SUSD6: variants seen among roughly 807,000 people sequenced by gnomAD.
The protein encoded by SUSD6 is sushi domain-containing protein 6.
A neutral mutation model predicts 28.4 loss-of-function variants in SUSD6; 16 were observed. That is an observed-to-expected ratio of 0.56 (90% CI 0.38 to 0.86). The LOEUF (loss-of-function observed/expected upper bound fraction) is 0.86, where lower values mean the gene tolerates loss of function less well. Among genes scored for constraint, SUSD6 ranks in the 40% least tolerant of loss-of-function variants. The probability of loss-of-function intolerance (pLI) is 0.00; values close to 1 mark genes in which losing one functional copy is unlikely to be tolerated. For synonymous variants in SUSD6, 147 were observed against 159.6 expected (o/e 0.92, Z 0.59); for missense variants, 341 against 384.2 (o/e 0.89, Z 0.94).
At chr14:69,694,826 T>G (rs561188732) in intron 2 of SUSD6, among the ~76,000 whole-genome samples, 1 of 152,140 alleles carries the variant, frequency 6.6e-6, no homozygotes, top group Admixed American at 6.5e-5. Context: ...TAAAACAAGA[T>G]GGACAGGTCC....
chr14:69,703,566 T>C lies in SUSD6; in HGVS notation c.293T>C (p.Met98Thr), dbSNP rs148486057. ...AAGAATGGCGAGTGGAAACCAGCCA[T>C]GGAGATTAGCTGCCGTCTCAACGAG... ...TCKNGEWKPA[M>T]EISCRLNEDK... The change falls in exon 3 of 6, where the codon ATG becomes ACG. Residue 98 changes from methionine (M) to threonine (T), a missense_variant. Physicochemically the swap from Met to Thr is moderately conservative, Grantham distance 81 (BLOSUM62 -1). Transcript: ENST00000342745. 1.4e-5 allele frequency: 23 copies of C among 1,613,884 alleles called. No individual in the cohort carries two copies. Among genetic ancestry groups the C allele is most frequent in the African/African-American group, 4.0e-5 (3 of 74,910 alleles).
At position 69,708,696 on chromosome 14, in the gene SUSD6, G is replaced by A. The variant is rs368074492; in HGVS notation, c.478G>A (p.Gly160Arg). The change falls in exon 5 of 6, where the codon GGG (glycine) becomes AGG (arginine). Residue 160 changes from glycine (G) to arginine (R), a missense_variant. By Grantham distance (125) the Gly-to-Arg change is moderately radical. Transcript: ENST00000342745. ...HHSRRDQGVSGDQVSIMVDGV... is the reference protein window; with the variant it reads ...HHSRRDQGVSRDQVSIMVDGV... ...CTCCAGGCGTGACCAGGGGGTATCT[G>A]GGGACCAGGTCTCCATCATGGTGGA... The A allele has an allele frequency of 3.2e-5, 51 of 1,584,476 alleles. No individual in the cohort carries two copies. In the African/African-American group the frequency reaches 5.7e-4, roughly 18 times the overall value.
chr14:69,644,939 G>T (rs1337291170), intron 1 of SUSD6, among the ~76,000 whole-genome samples: 1 of 152,212 alleles, frequency 6.6e-6, no homozygotes. Flanking sequence ...AAGGGTATAG[G>T]TGGCGGCAGG....
intron 2 of SUSD6, among the ~76,000 whole-genome samples, chr14:69,667,577 G>T (rs1431992090): frequency 6.6e-6 from 1 of 151,518 alleles, no homozygotes; most frequent in South Asian, 2.1e-4. Context: ...TAGAGACGGG[G>T]TTTCACCGTG....
chr14:69,660,390 C>G (rs765233113), intron 2 of SUSD6, among the ~76,000 whole-genome samples: 1 of 152,190 alleles, frequency 6.6e-6, no homozygotes, highest in Non-Finnish European at 1.5e-5. Flanking sequence ...GCCTTTTCCC[C>G]CTAGGCATGA....
chr14:69,688,023 A>G (rs757631739), intron 2 of SUSD6, among the ~76,000 whole-genome samples: 143 of 152,224 alleles, frequency 9.4e-4, no homozygotes, highest in Non-Finnish European at 9.3e-4. Flanking sequence ...TGTTTTATGA[A>G]TTTGTATGCC....
At chr14:69,695,422 C>T (rs956457294) in intron 2 of SUSD6, among the ~76,000 whole-genome samples, 1 of 152,248 alleles carries the variant, frequency 6.6e-6, no homozygotes, top group Non-Finnish European at 1.5e-5. Flanking sequence ...GCGAAGGAAC[C>T]TTGGAGAGGT....
chr14:69,653,530 A>C (rs750109692), intron 1 of SUSD6, among the ~76,000 whole-genome samples: 1 of 152,164 alleles, frequency 6.6e-6, no homozygotes, highest in Admixed American at 6.5e-5. Context: ...CCTCTGTCTC[A>C]GCTCTAAGTT....
At chr14:69,635,329 G>C (rs1322873155) in intron 1 of SUSD6, among the ~76,000 whole-genome samples, 2 of 152,146 alleles carry the variant, frequency 1.3e-5, no homozygotes, top group Non-Finnish European at 2.9e-5. Context: ...CTTTTGAGAA[G>C]GCCTTTTACA....
chr14:69,656,890 A>G (rs1885591345), intron 1 of SUSD6, among the ~76,000 whole-genome samples: 1 of 152,242 alleles, frequency 6.6e-6, no homozygotes, highest in Non-Finnish European at 1.5e-5. Flanking sequence ...GGTCACTCAC[A>G]GACTCCATCC....
At position 69,677,940 on chromosome 14, in the gene SUSD6, T is replaced by C. The variant is rs1885938959; in HGVS notation, c.121+19227T>C. Among the ~76,000 whole-genome samples the C allele has an allele frequency of 2.0e-5, 3 of 152,370 alleles. No homozygotes were observed. In the East Asian group the frequency reaches 5.8e-4, roughly 29 times the overall value. ...AAATGGAGACGAGTGTAATCACACA[T>C]GGATACTTGCCTCCCAGATTTAATA... On this transcript the variant is annotated intron_variant, in intron 2 of 5. Coordinates refer to ENST00000342745, the MANE Select transcript of SUSD6 (RefSeq NM_014734.4).
intron 1 of SUSD6, among the ~76,000 whole-genome samples, chr14:69,656,719 C>T (rs1422832085): frequency 6.6e-6 from 1 of 152,238 alleles, no homozygotes; most frequent in African/African-American, 2.4e-5. Flanking sequence ...TGGTTACTAT[C>T]CCTATTTTAC....
intron 4 of SUSD6, among the ~76,000 whole-genome samples, chr14:69,706,995 C>T (rs184195350): frequency 1.0e-3 from 150 of 150,696 alleles, no homozygotes; most frequent in African/African-American, 3.4e-3. Context: ...TTTGAGACAG[C>T]TGGCCTGGAC....
At chr14:69,623,538 A>G (rs535682302) in intron 1 of SUSD6, among the ~76,000 whole-genome samples, 11 of 152,326 alleles carry the variant, frequency 7.2e-5, no homozygotes, top group African/African-American at 2.2e-4. Context: ...TGTCATCAAT[A>G]TAGACTGTAC....
chr14:69,689,220 C>T (rs927533319), intron 2 of SUSD6, among the ~76,000 whole-genome samples: 1 of 152,128 alleles, frequency 6.6e-6, no homozygotes, highest in Non-Finnish European at 1.5e-5. Context: ...TTTCTGTAGC[C>T]CATATTGATT....
At chr14:69,622,689 G>A (rs1430442636) in intron 1 of SUSD6, among the ~76,000 whole-genome samples, 2 of 152,020 alleles carry the variant, frequency 1.3e-5, no homozygotes, top group African/African-American at 4.8e-5. Context: ...TGTCTCCCAG[G>A]TTCGAGCGAT....
intron 2 of SUSD6, among the ~76,000 whole-genome samples, chr14:69,686,662 G>A (rs1412853423): frequency 1.3e-5 from 2 of 152,160 alleles, no homozygotes; most frequent in East Asian, 3.8e-4. Flanking sequence ...ATGACAGCAG[G>A]CAAAAAGAGA....
At chr14:69,694,277 T>A (rs999108014) in intron 2 of SUSD6, among the ~76,000 whole-genome samples, 1 of 152,226 alleles carries the variant, frequency 6.6e-6, no homozygotes, top group African/African-American at 2.4e-5. Context: ...AAGCTGCTGT[T>A]ATTGAACACT....
chr14:69,692,305 A>G (rs936378094), intron 2 of SUSD6, among the ~76,000 whole-genome samples: 2 of 152,174 alleles, frequency 1.3e-5, no homozygotes, highest in Non-Finnish European at 2.9e-5. Flanking sequence ...GCTTTTGTCC[A>G]TATGTATCCC....
Sources: gnomAD v4.1 joint callset for allele counts (sites outside exome capture counted in the v4.1 genomes callset) on GRCh38, gnomAD v4.1.1 for gene constraint, MANE v1.5 for transcripts, NCBI Gene and HGNC (gene_info 2026-07-23, HGNC 2026-07-21) for gene names.